The following HTRA3 variants were observed in gnomAD, a reference collection of about 807,000 sequenced individuals.
The protein encoded by HTRA3 is serine protease HTRA3.
HTRA3 carries 41 observed loss-of-function variants against 43.2 expected under a neutral mutation model. That is an observed-to-expected ratio of 0.95 (90% CI 0.74 to 1.23). The LOEUF (loss-of-function observed/expected upper bound fraction) is 1.23, where lower values mean the gene tolerates loss of function less well. Ranked by LOEUF, HTRA3 falls within the 50% of genes most tolerant of loss-of-function variation. HTRA3 has a pLI of 0.00. For missense variants in HTRA3, 628 were observed against 647.1 expected (o/e 0.97, Z 0.32); for synonymous variants, 295 against 287.9 (o/e 1.02, Z -0.25).
Position 8,286,541 on chromosome 4 carries a change from CTG to C in HTRA3, c.486-16_486-15del. The C allele has an allele frequency of 6.2e-7, 1 of 1,609,982 alleles. No individual in the cohort carries two copies. The highest frequency in any genetic ancestry group is 2.2e-5 in the East Asian group (1 of 44,834). On this transcript the variant is annotated intron_variant, in intron 2 of 8. Transcript: ENST00000307358. The surrounding 1 kb of genome is among the most constrained non-coding windows in gnomAD (Gnocchi z 4.9). ...TCCTAGCCCCACCCTAAATGCCCGC[CTG>C]TGTCTCCCTGGCTGCAGACACCCGC...
intron 1 of HTRA3, among the ~76,000 whole-genome samples, chr4:8,276,524 G>A (rs1002128673): frequency 1.3e-5 from 2 of 152,240 alleles, no homozygotes; most frequent in Admixed American, 6.5e-5. Flanking sequence ...CATTGGCCCC[G>A]GTCAAGGCAG....
In HTRA3 at chr4:8,291,557, T is replaced by C; in HGVS notation, c.896T>C (p.Ile299Thr). Reference protein sequence around the residue: ...SDMDYIQTDAIINYGNSGGPL... With the variant: ...SDMDYIQTDATINYGNSGGPL... Reference sequence around the variant, plus strand: ...ATGGACTACATCCAGACGGATGCCATCATCAACGTGAGTCCCAGGGACAGG... The same window carrying C: ...ATGGACTACATCCAGACGGATGCCACCATCAACGTGAGTCCCAGGGACAGG... The change falls in exon 4 of 9, where the codon ATC becomes ACC. Residue 299 changes from isoleucine (I) to threonine (T), a missense_variant. Coordinates refer to ENST00000307358, the MANE Select transcript of HTRA3 (RefSeq NM_053044.5). 1 of 1,586,450 alleles carries C rather than the reference T, an allele frequency of 6.3e-7. No homozygotes were observed. Among genetic ancestry groups the C allele is most frequent in the Non-Finnish European group, 8.6e-7 (1 of 1,164,318 alleles).
chr4:8,282,315 G>A, intron 1 of HTRA3, 122 bp from the exon 2 acceptor site: 1 of 749,870 alleles, frequency 1.3e-6, no homozygotes, highest in Non-Finnish European at 2.2e-6. Context: ...GGCTGAGGCT[G>A]GCTCTGAACT....
At chr4:8,276,815 A>AGCAG (rs58436492) in intron 1 of HTRA3, among the ~76,000 whole-genome samples, 2,236 of 152,348 alleles carry the variant, frequency 0.015, 35 homozygotes, top group Middle Eastern at 0.044. Context: ...GCCAGCACGG[A>AGCAG]GCAGGGGAAG....
rs905650024 is a variant in HTRA3 at position 8,269,978 on chromosome 4, C to T, written c.10C>T (p.Arg4Ter). The T allele has an allele frequency of 8.3e-6, 10 of 1,206,226 alleles. No individual in the cohort carries two copies. The highest frequency in any genetic ancestry group is 1.0e-5 in the Non-Finnish European group (10 of 973,810). The allele number at this position is 1,206,226 out of a possible 1,614,324, so 74.7% of individuals were successfully genotyped here. A position where few individuals can be genotyped will look rare whatever the true frequency, so the allele number is the denominator to read the frequency against. ...CGCCGGCCCTGCCGCCATGCAGGCG[C>T]GAGCGCTGCTCCTGGCCGCGTTGGC... The part of the protein sequence containing the change: MQA[R>*]ALLLAALAAL... The change falls in exon 1 of 9, where the codon CGA becomes TGA. Residue 4 changes from arginine (R) to a stop codon, truncating the protein, a stop_gained. Transcript: ENST00000307358. LOFTEE classifies it high-confidence loss of function.
Position 8,282,506 on chromosome 4 carries a change from C to G in HTRA3, c.455C>G (p.Pro152Arg). The change falls in exon 2 of 9, where the codon CCA becomes CGA. Residue 152 changes from proline (P) to arginine (R), a missense_variant. Transcript: ENST00000307358. The stretch of plus-strand genomic sequence containing the variant: ...GCTGACGTGGTGGAGAAGATCGCAC[C>G]AGCCGTGGTCCACATAGAGCTCTTC... Reference protein sequence around the residue: ...FIADVVEKIAPAVVHIELFLR... With the variant: ...FIADVVEKIARAVVHIELFLR... 1 of 1,614,102 alleles carries G rather than the reference C, an allele frequency of 6.2e-7. No homozygotes were observed. Among genetic ancestry groups the G allele is most frequent in the Non-Finnish European group, 8.5e-7 (1 of 1,179,962 alleles).
chr4:8,289,362 G>C (rs1484139996), intron 3 of HTRA3, among the ~76,000 whole-genome samples: 1 of 152,226 alleles, frequency 6.6e-6, no homozygotes, highest in Non-Finnish European at 1.5e-5. Flanking sequence ...GGCTGCACAG[G>C]TGGGTGTGGC....
At chr4:8,302,570 C>T in intron 7 of HTRA3, 59 bp downstream of exon 7, 1 of 1,544,734 alleles carries the variant, frequency 6.5e-7, no homozygotes, top group Non-Finnish European at 9.0e-7. Context: ...TCACCCTGAC[C>T]CTCCCTCCAG....
At chr4:8,285,111 A>T (rs971984636) in intron 2 of HTRA3, among the ~76,000 whole-genome samples, 3 of 151,968 alleles carry the variant, frequency 2.0e-5, no homozygotes, top group Non-Finnish European at 4.4e-5. Flanking sequence ...CCATCATCTC[A>T]TGGCCTTCCC....
At chr4:8,294,040 T>G in intron 5 of HTRA3, 47 bp from the exon 6 acceptor site, 1 of 1,321,080 alleles carries the variant, frequency 7.6e-7, no homozygotes, top group East Asian at 2.5e-5. Context: ...GGGCAGGGGT[T>G]TGCCTGGGTT....
At chr4:8,293,828 G>A (rs1371596652) in intron 5 of HTRA3, among the ~76,000 whole-genome samples, 4 of 152,290 alleles carry the variant, frequency 2.6e-5, no homozygotes, top group African/African-American at 9.6e-5. Context: ...AGTGGCCAGA[G>A]CCTGGGGGCA....
chr4:8,299,756 A>T (rs935956149), intron 6 of HTRA3, among the ~76,000 whole-genome samples: 1 of 151,700 alleles, frequency 6.6e-6, no homozygotes, highest in African/African-American at 2.4e-5. Flanking sequence ...AATGTGGTAA[A>T]TTGCATTGGT....
At chr4:8,292,378 C>T (rs749659601) in intron 5 of HTRA3, 25 bp downstream of exon 5, 2 of 1,607,508 alleles carry the variant, frequency 1.2e-6, no homozygotes, top group African/African-American at 1.3e-5. Flanking sequence ...GAGCCAAAAT[C>T]TCTCAGGTTT....
chr4:8,270,215 T>G lies in HTRA3; in HGVS notation c.247T>G (p.Cys83Gly). The G allele has an allele frequency of 2.6e-6, 4 of 1,538,558 alleles. No homozygotes were observed. The highest frequency in any genetic ancestry group is 3.5e-6 in the Non-Finnish European group (4 of 1,154,042). ...SLECVRGLCR[C>G]RWSHAVCGTD... is the part of the protein sequence containing the mutation. ...GGAGTGCGTGCGCGGCCTATGCCGC[T>G]GCCGCTGGTCGCACGCCGTGTGTGG... Residue 83 changes from cysteine (C) to glycine (G), a missense_variant, in exon 1 of 9, where the codon TGC (cysteine) becomes GGC (glycine). Physicochemically the swap from Cys to Gly is radical, Grantham distance 159. Transcript: ENST00000307358.
intron 6 of HTRA3, among the ~76,000 whole-genome samples, chr4:8,299,455 CT>C (rs1378173466): frequency 6.6e-6 from 1 of 152,058 alleles, no homozygotes; most frequent in Non-Finnish European, 1.5e-5. Flanking sequence ...TTACTTCTTC[CT>C]TTCCAATCTG....
intron 1 of HTRA3, among the ~76,000 whole-genome samples, chr4:8,278,634 G>GC (rs1410369533): frequency 6.6e-6 from 1 of 152,090 alleles, no homozygotes. Context: ...GGGCACGGGG[G>GC]CCCCTGCCCC....
intron 1 of HTRA3, among the ~76,000 whole-genome samples, chr4:8,280,050 C>G (rs573195972): frequency 2.1e-4 from 32 of 152,182 alleles, no homozygotes; most frequent in African/African-American, 7.2e-4. Flanking sequence ...GGATTAGGGC[C>G]GGGCCCAGGA....
rs113575951 is a variant in HTRA3, at chr4:8,301,877, A to G, written c.1052-586A>G. On this transcript the variant is annotated intron_variant, in intron 6 of 8. Coordinates refer to ENST00000307358, the MANE Select transcript of HTRA3 (RefSeq NM_053044.5). ...ATTGTGGTCAGAACTCTTATATAAA[A>G]TGAAAATTCTAAATTTATTGACTCT... Among the ~76,000 whole-genome samples the G allele has an allele frequency of 5.5e-3, 835 of 152,320 alleles. 5 individuals are homozygous for G. The highest frequency in any genetic ancestry group is 9.7e-3 in the Non-Finnish European group (662 of 68,036).
intron 1 of HTRA3, among the ~76,000 whole-genome samples, chr4:8,273,625 G>A (rs1165699977): frequency 6.6e-6 from 1 of 151,082 alleles, no homozygotes; most frequent in Non-Finnish European, 1.5e-5. Flanking sequence ...TCCTGAGTTA[G>A]AGTCACGTGG....
Sources: allele counts gnomAD v4.1 joint callset (sites outside exome capture counted in the v4.1 genomes callset), GRCh38; gene constraint gnomAD v4.1.1; non-coding constraint Gnocchi (gnomAD v3.1); transcripts MANE v1.5; gene names NCBI Gene and HGNC (gene_info 2026-07-23, HGNC 2026-07-21).